The following CDON variants were observed in gnomAD, a reference collection of about 807,000 sequenced individuals.
CDON encodes cell adhesion molecule-related/down-regulated by oncogenes.
In CDON, 73 loss-of-function variants were observed where a neutral mutation model predicts 120.9. The ratio of observed to expected loss-of-function variants is 0.60; its 90% CI spans 0.50 to 0.73. The LOEUF (loss-of-function observed/expected upper bound fraction) is 0.73. CDON is among the 30% of genes least tolerant of loss of function. The pLI is 0.00. For missense variants in CDON, 1,470 were observed against 1,587.3 expected (o/e 0.93, Z 1.26); for synonymous variants, 566 against 573.5 (o/e 0.99, Z 0.19).
At chr11:126,002,191 A>T (rs1287127774) in intron 10 of CDON, among the ~76,000 whole-genome samples, 1 of 152,230 alleles carries the variant, frequency 6.6e-6, no homozygotes. Flanking sequence ...ATTCTAAGCT[A>T]TAAAACTCAC....
intron 5 of CDON, among the ~76,000 whole-genome samples, chr11:126,017,673 A>T (rs1183155097): frequency 6.6e-6 from 1 of 151,510 alleles, no homozygotes; most frequent in South Asian, 2.1e-4. Context: ...AGTGATTTTC[A>T]TTACATCTGA....
rs769421024 is a variant in CDON, at chr11:126,015,142, G to C, written c.1198+99C>G. The C allele has an allele frequency of 2.6e-6, 3 of 1,166,772 alleles. No homozygotes were observed. In the African/African-American group the frequency reaches 4.6e-5, roughly 18 times the overall value. The allele number at this position is 1,166,772 out of a possible 1,614,324, so 72.3% of individuals were successfully genotyped here. ...GAACACCGTTCTTGTACGGTGCTAG[G>C]GTTATTTTCTTTTAGTAAAAATAAT... On this transcript the variant is annotated intron_variant, in intron 7 of 19. Coordinates refer to ENST00000531738, the MANE Select transcript of CDON (RefSeq NM_001378964.1).
At chr11:125,966,937 T>A (rs1237035275) in intron 18 of CDON, among the ~76,000 whole-genome samples, 1 of 151,142 alleles carries the variant, frequency 6.6e-6, no homozygotes, top group Non-Finnish European at 1.5e-5. Flanking sequence ...ACAACAAAGC[T>A]GGGAAAATCT....
Sources: gnomAD v4.1 joint callset for allele counts (sites outside exome capture counted in the v4.1 genomes callset) on GRCh38, gnomAD v4.1.1 for gene constraint, MANE v1.5 for transcripts, NCBI Gene and HGNC (gene_info 2026-07-23, HGNC 2026-07-21) for gene names.